The following OAS3 variants were observed in gnomAD, a reference collection of about 807,000 sequenced individuals.
OAS3 encodes the protein 2'-5'-oligoadenylate synthetase 3.
Under a neutral mutation model 113.0 loss-of-function variants are expected in OAS3, and 107 were observed. The observed-to-expected ratio is 0.95, with a 90% confidence interval of 0.81 to 1.11. OAS3 has a LOEUF of 1.11. Among genes scored for constraint, OAS3 ranks in the 50% most tolerant of loss-of-function variants. OAS3 has a pLI of 0.00. For synonymous variants in OAS3, 552 were observed against 573.6 expected (o/e 0.96, Z 0.54); for missense variants, 1,258 against 1,389.1 (o/e 0.91, Z 1.50).
chr12:112,953,395 C>T (rs2043808517), intron 7 of OAS3, among the ~76,000 whole-genome samples: 1 of 152,194 alleles, frequency 6.6e-6, no homozygotes, highest in Non-Finnish European at 1.5e-5. Context: ...CATTGATGGA[C>T]ATTTGGGTTG....
rs760525393 is a variant in OAS3, at chr12:112,946,772, G to C, written c.666G>C (p.Thr222=). ...QVCLQGLWKE[T]LPPVYALELL... Reference sequence around the variant, plus strand: ...GCCTACAGGGGTTGTGGAAGGAGACGCTGCCCCCGGTCTATGCCCTGGAAT... The same window carrying C: ...GCCTACAGGGGTTGTGGAAGGAGACCCTGCCCCCGGTCTATGCCCTGGAAT... The change falls in exon 4 of 16, where the codon ACG becomes ACC. Residue 222 remains threonine (T), a synonymous_variant. Transcript: ENST00000228928. 7 of 1,611,990 alleles carry C rather than the reference G, an allele frequency of 4.3e-6. No homozygotes were observed. The highest frequency in any genetic ancestry group is 1.3e-5 in the African/African-American group (1 of 75,022).
chr12:112,944,798 T>C, intron 3 of OAS3, 147 bp downstream of exon 3: 2 of 831,800 alleles, frequency 2.4e-6, no homozygotes, highest in Admixed American at 2.1e-5. Context: ...TTATTTTCTC[T>C]TGGGTTAGCT....
chr12:112,964,534 G>T (rs1184673690), intron 11 of OAS3, 126 bp downstream of exon 11: 2 of 991,000 alleles, frequency 2.0e-6, no homozygotes, highest in Non-Finnish European at 3.0e-6. Context: ...TAGAGAAAGA[G>T]CTGGAAAGTG....
Position 112,962,901 on chromosome 12 carries a change from A to G in OAS3, c.2083A>G (p.Arg695Gly). The G allele has an allele frequency of 3.1e-6, 5 of 1,613,172 alleles. 1 individual carries two copies. In the South Asian group the frequency reaches 4.4e-5, roughly 14 times the overall value. ...MHLLGQLRKP[R>G]PLVLDPADPT... Reference sequence around the variant, plus strand: ...CCTTCTTGGCCAGCTTCGAAAACCCAGGTGAAGACCCGCTTCCCTTTGCCT... The same window carrying G: ...CCTTCTTGGCCAGCTTCGAAAACCCGGGTGAAGACCCGCTTCCCTTTGCCT... Residue 695 changes from arginine to glycine, a missense_variant and splice_region_variant, in exon 9 of 16, where the codon AGA becomes GGA. Coordinates refer to ENST00000228928, the MANE Select transcript of OAS3 (RefSeq NM_006187.4).
In OAS3 at chr12:112,961,715, T is replaced by C. The variant is rs1032437105; in HGVS notation, c.1833+469T>C. 1.4e-4 allele frequency among the ~76,000 whole-genome samples: 22 copies of C among 152,198 alleles called. No individual in the cohort carries two copies. The East Asian group carries it at 4.1e-3, about 28-fold the overall frequency. On this transcript the variant is annotated intron_variant, in intron 8 of 15. Transcript: ENST00000228928. ...TCTGAACAGAAAAGCTGATGACTCCTTATGGGCTTCTGGATCAAGCTGTGC... is the reference window on the plus strand; with the variant it reads ...TCTGAACAGAAAAGCTGATGACTCCCTATGGGCTTCTGGATCAAGCTGTGC...
intron 2 of OAS3, 93 bp from the exon 3 acceptor site, chr12:112,944,383 C>T (rs562639597): frequency 5.8e-6 from 8 of 1,379,012 alleles, no homozygotes; most frequent in African/African-American, 5.7e-5. Flanking sequence ...TTCCCACTCT[C>T]TCTCAGCGCC....
rs562114203 is a variant in OAS3, at chr12:112,965,928, C to T, written c.2588C>T (p.Ser863Phe). 2 of 1,613,798 alleles carry T rather than the reference C, an allele frequency of 1.2e-6. No homozygotes were observed. Among genetic ancestry groups the T allele is most frequent in the South Asian group, 2.2e-5 (2 of 90,996 alleles). ...CAGTTCGAGGTCAAGTTTGAAGTCT[C>T]CAAATGGGAGAATCCCCGCGTGCTG... Reference protein sequence around the residue: ...ERQFEVKFEVSKWENPRVLSF... With the variant: ...ERQFEVKFEVFKWENPRVLSF... The change falls in exon 12 of 16, where the codon TCC (serine) becomes TTC (phenylalanine). Residue 863 changes from serine (S) to phenylalanine (F), a missense_variant. Transcript: ENST00000228928.
At position 112,939,855 on chromosome 12, in the gene OAS3, C is replaced by T. The variant is rs1372956939; in HGVS notation, c.177+1148C>T. On this transcript the variant is annotated intron_variant, in intron 1 of 15. Transcript: ENST00000228928. ...AGGTTGTCAGGAGAGGGAGTGAAAA[C>T]GCAGAGTAGAAATGGCCTCAGAGCA... Among the ~76,000 whole-genome samples, 22 of 152,120 alleles carry T rather than the reference C, an allele frequency of 1.4e-4. 1 individual carries two copies. Among genetic ancestry groups the T allele is most frequent in the Admixed American group, 1.4e-3 (22 of 15,272 alleles).
intron 7 of OAS3, among the ~76,000 whole-genome samples, chr12:112,956,895 T>A (rs2043840307): frequency 6.6e-6 from 1 of 152,234 alleles, no homozygotes; most frequent in East Asian, 1.9e-4. Flanking sequence ...ATATCCTTGT[T>A]AACTTTCTGT....
At chr12:112,948,162 G>T (rs1248156549) in intron 5 of OAS3, 63 bp downstream of exon 5, 11 of 1,433,222 alleles carry the variant, frequency 7.7e-6, no homozygotes, top group South Asian at 1.5e-5. Flanking sequence ...AGTGTTTCCT[G>T]AGCATCTACT....
intron 7 of OAS3, 116 bp downstream of exon 7, chr12:112,951,091 AACT>A: frequency 9.7e-7 from 1 of 1,028,192 alleles, no homozygotes; most frequent in South Asian, 1.7e-5. Context: ...AAGCATTGAA[AACT>A]ACTTTGAGAT....
chr12:112,952,906 T>G (rs2043803924), intron 7 of OAS3, among the ~76,000 whole-genome samples: 1 of 152,234 alleles, frequency 6.6e-6, no homozygotes, highest in Non-Finnish European at 1.5e-5. Flanking sequence ...GATTTCCCTT[T>G]CAGTGGCTTT....
intron 15 of OAS3, 33 bp downstream of exon 15, chr12:112,969,788 T>C: frequency 6.2e-7 from 1 of 1,608,828 alleles, no homozygotes; most frequent in Non-Finnish European, 8.5e-7. Context: ...GGAAGTACCC[T>C]TTAGGGGTAA....
In OAS3 at chr12:112,962,753, G is replaced by A; in HGVS notation, c.1935G>A (p.Arg645=). The A allele has an allele frequency of 6.2e-7, 1 of 1,614,020 alleles. No homozygotes were observed. Among genetic ancestry groups the A allele is most frequent in the Non-Finnish European group, 8.5e-7 (1 of 1,179,902 alleles). Residue 645 remains arginine (R), a synonymous_variant, in exon 9 of 16, where the codon AGG becomes AGA. Coordinates refer to ENST00000228928, the MANE Select transcript of OAS3 (RefSeq NM_006187.4). The part of the protein sequence containing the change: ...LTIFAWEQGC[R]QDCFNMAQGF... ...TCTTTGCCTGGGAGCAGGGCTGCAGGCAGGATTGTTTCAACATGGCCCAAG... is the reference window on the plus strand; with the variant it reads ...TCTTTGCCTGGGAGCAGGGCTGCAGACAGGATTGTTTCAACATGGCCCAAG...
At chr12:112,961,535 C>T (rs2043885815) in intron 8 of OAS3, among the ~76,000 whole-genome samples, 1 of 152,030 alleles carries the variant, frequency 6.6e-6, no homozygotes, top group South Asian at 2.1e-4. Flanking sequence ...CTGTTTTTCC[C>T]CCACCTCCAA....
chr12:112,959,886 G>C (rs4766678), intron 7 of OAS3, among the ~76,000 whole-genome samples: 14 of 151,924 alleles, frequency 9.2e-5, no homozygotes, highest in Admixed American at 2.0e-4. Context: ...CATAGGCTTC[G>C]ATTCTTTCAC....
Position 112,971,004 on chromosome 12 carries a change from C to G in OAS3, c.*1031C>G, listed in dbSNP as rs932392503. The G allele has an allele frequency of 1.3e-5, 2 of 152,340 alleles. No homozygotes were observed. The highest frequency in any genetic ancestry group is 4.8e-5 in the African/African-American group (2 of 41,448). The allele number at this position is 152,340 out of a possible 1,614,324, so 9.4% of individuals were successfully genotyped here. On this transcript the variant is annotated 3_prime_UTR_variant, in exon 16 of 16. Transcript: ENST00000228928. ...TGCTCAGCCTGTTTCTCTCTGCCCT[C>G]TAGAGCAAGGCCCACCAGGTCCATC...
At chr12:112,964,787 T>C (rs541412674) in intron 11 of OAS3, among the ~76,000 whole-genome samples, 6 of 152,270 alleles carry the variant, frequency 3.9e-5, no homozygotes, top group African/African-American at 1.4e-4. Flanking sequence ...CCTTAACATA[T>C]GGTGGTCTTT....
chr12:112,938,944 CG>C (rs1246207936), intron 1 of OAS3, among the ~76,000 whole-genome samples: 1 of 152,212 alleles, frequency 6.6e-6, no homozygotes, highest in Non-Finnish European at 1.5e-5. Flanking sequence ...GGTACAGTGA[CG>C]TGTCCGATCC....
Sources: gnomAD v4.1 joint callset for allele counts (sites outside exome capture counted in the v4.1 genomes callset) on GRCh38, gnomAD v4.1.1 for gene constraint, MANE v1.5 for transcripts, NCBI Gene and HGNC (gene_info 2026-07-23, HGNC 2026-07-21) for gene names.